NEGR1: variants seen among roughly 807,000 people sequenced by gnomAD.
The protein encoded by NEGR1 is neuronal growth regulator 1, also known as IgLON family member 4.
NEGR1 carries 10 observed loss-of-function variants against 40.9 expected under a neutral mutation model. The observed-to-expected ratio is 0.24, with a 90% confidence interval of 0.15 to 0.42. NEGR1 has a LOEUF of 0.42. NEGR1 is among the 10% of genes least tolerant of loss of function. The pLI, the probability that NEGR1 is intolerant of heterozygous loss-of-function variation, is 1.00. For synonymous variants in NEGR1, 185 were observed against 166.8 expected, an observed-to-expected ratio of 1.11 and a Z score of -0.84; for missense variants, 352 against 438.9, an observed-to-expected ratio of 0.80 and a Z score of 1.77.
chr1:71,531,833 T>C (rs943812910), intron 6 of NEGR1, among the ~76,000 whole-genome samples: 4 of 151,420 alleles, frequency 2.6e-5, no homozygotes, highest in Non-Finnish European at 5.9e-5. Flanking sequence ...TGCTCAAACA[T>C]GTTTCATTTT....
intron 1 of NEGR1, among the ~76,000 whole-genome samples, chr1:72,227,643 T>C (rs1036986412): frequency 9.2e-5 from 14 of 152,090 alleles, no homozygotes; most frequent in Non-Finnish European, 1.9e-4. Context: ...TTACCATATA[T>C]AGAAACTTTT....
chr1:72,022,424 C>T (rs1296411101), intron 1 of NEGR1, among the ~76,000 whole-genome samples: 1 of 148,400 alleles, frequency 6.7e-6, no homozygotes, highest in East Asian at 2.0e-4. Flanking sequence ...ATATAATCAT[C>T]TCAATGAATG....
rs113602955 is a variant in NEGR1, at chr1:71,741,667, A to G, written c.535+34505T>C. Among the ~76,000 whole-genome samples, 6 of 152,284 alleles carry G rather than the reference A, an allele frequency of 3.9e-5. 1 individual carries two copies. Among genetic ancestry groups the G allele is most frequent in the African/African-American group, 1.4e-4 (6 of 41,570 alleles). ...TACATTAGACCATTCTTTCATTGCTATAAAGAAGTACCTCAGACTGGATAA... is the reference window on the plus strand; with the variant it reads ...TACATTAGACCATTCTTTCATTGCTGTAAAGAAGTACCTCAGACTGGATAA... On this transcript the variant is annotated intron_variant, in intron 3 of 6. Coordinates refer to ENST00000357731, the MANE Select transcript of NEGR1 (RefSeq NM_173808.3).
chr1:71,590,327 T>G lies in NEGR1; in HGVS notation c.940+2490A>C, dbSNP rs570116707. On this transcript the variant is annotated intron_variant, in intron 6 of 6. Transcript: ENST00000357731. ...ATTCAGATAGTGGTATTGGCTACTCTAGATAAAAGTTCTTTCATGACCCTT... is the reference window on the plus strand; with the variant it reads ...ATTCAGATAGTGGTATTGGCTACTCGAGATAAAAGTTCTTTCATGACCCTT... Among the ~76,000 whole-genome samples the G allele has an allele frequency of 5.9e-5, 9 of 152,228 alleles. No individual in the cohort carries two copies. The South Asian group carries it at 1.9e-3, about 32-fold the overall frequency.
At chr1:72,016,516 T>C (rs371635658) in intron 1 of NEGR1, among the ~76,000 whole-genome samples, 1 of 152,200 alleles carries the variant, frequency 6.6e-6, no homozygotes, top group East Asian at 1.9e-4. Flanking sequence ...AGATGGGAAA[T>C]AGACTGGAAA....
chr1:72,057,682 G>T (rs1001733627), intron 1 of NEGR1, among the ~76,000 whole-genome samples: 1 of 151,268 alleles, frequency 6.6e-6, no homozygotes, highest in Non-Finnish European at 1.5e-5. Flanking sequence ...GAATTGAATG[G>T]TTTACATATA....
At chr1:72,262,421 C>T (rs1451889349) in intron 1 of NEGR1, among the ~76,000 whole-genome samples, 3 of 151,960 alleles carry the variant, frequency 2.0e-5, no homozygotes. Context: ...GGGTTCATTA[C>T]TTTTGTCCTT....
At chr1:71,948,481 G>A (rs916582175) in intron 1 of NEGR1, among the ~76,000 whole-genome samples, 4 of 113,704 alleles carry the variant, frequency 3.5e-5, no homozygotes, top group African/African-American at 1.6e-4. Context: ...TTCAAAAGGG[G>A]CGTGTGTGTG....
intron 3 of NEGR1, among the ~76,000 whole-genome samples, chr1:71,711,341 C>CAAAAAAAAAAAAAAAAAAAAAA (rs59376519): frequency 1.7e-5 from 1 of 58,706 alleles, no homozygotes; most frequent in Non-Finnish European, 3.0e-5. Flanking sequence ...GAGATTCCAC[C>CAAAAAAAAAAAAAAAAAAAAAA]AAAAAAAAAA....
chr1:72,270,441 G>A (rs1191250104), intron 1 of NEGR1, among the ~76,000 whole-genome samples: 1 of 151,860 alleles, frequency 6.6e-6, no homozygotes, highest in Admixed American at 6.6e-5. Context: ...GAACTGCATT[G>A]CCTTCAGCAT....
At chr1:71,883,513 T>C (rs1660638218) in intron 2 of NEGR1, among the ~76,000 whole-genome samples, 1 of 152,204 alleles carries the variant, frequency 6.6e-6, no homozygotes, top group South Asian at 2.1e-4. Context: ...GAGTCTAATA[T>C]AGTGATAATT....
At chr1:71,980,290 A>G (rs1051872168) in intron 1 of NEGR1, among the ~76,000 whole-genome samples, 13 of 152,190 alleles carry the variant, frequency 8.5e-5, no homozygotes, top group African/African-American at 3.1e-4. Context: ...AAAAATTAAA[A>G]TGTAAGTCAT....
chr1:71,808,557 C>G (rs1383907248), intron 2 of NEGR1, among the ~76,000 whole-genome samples: 1 of 152,056 alleles, frequency 6.6e-6, no homozygotes, highest in Non-Finnish European at 1.5e-5. Flanking sequence ...ACATGCAGCT[C>G]AAAAGAGCCT....
chr1:71,989,720 A>G (rs1646432989), intron 1 of NEGR1, among the ~76,000 whole-genome samples: 1 of 152,202 alleles, frequency 6.6e-6, no homozygotes, highest in African/African-American at 2.4e-5. Context: ...TGGTCAGTAT[A>G]TTTCTAACCT....
chr1:71,592,034 A>AAAGAC (rs1327610483), intron 6 of NEGR1, among the ~76,000 whole-genome samples: 1 of 152,110 alleles, frequency 6.6e-6, no homozygotes, highest in African/African-American at 2.4e-5. Flanking sequence ...GTGGCACTGA[A>AAAGAC]AAGACAGTAT....
chr1:71,694,665 C>T (rs182540458), intron 4 of NEGR1, among the ~76,000 whole-genome samples: 61 of 151,708 alleles, frequency 4.0e-4, no homozygotes, highest in African/African-American at 9.4e-4. Context: ...ATATAGTGAA[C>T]GTGGAAGGTG....
intron 1 of NEGR1, chr1:72,275,046 G>C: frequency 6.7e-7 from 1 of 1,482,160 alleles, no homozygotes; most frequent in East Asian, 2.3e-5. Flanking sequence ...TGGAGCTCTT[G>C]GAACCAACTG....
At chr1:71,969,997 T>C (rs941846624) in intron 1 of NEGR1, among the ~76,000 whole-genome samples, 1 of 152,150 alleles carries the variant, frequency 6.6e-6, no homozygotes. Context: ...AAATTTAAAG[T>C]TGTGATGTCT....
intron 1 of NEGR1, among the ~76,000 whole-genome samples, chr1:72,046,966 T>C (rs1482176589): frequency 6.6e-6 from 1 of 151,620 alleles, no homozygotes; most frequent in Non-Finnish European, 1.5e-5. Flanking sequence ...ATCCATCTTC[T>C]TCCAACGTCC....
Sources: allele counts gnomAD v4.1 joint callset (sites outside exome capture counted in the v4.1 genomes callset), GRCh38; gene constraint gnomAD v4.1.1; transcripts MANE v1.5; gene names NCBI Gene and HGNC (gene_info 2026-07-23, HGNC 2026-07-21).